The following HEPH variants were observed in gnomAD, a reference collection of about 807,000 sequenced individuals.
The protein encoded by HEPH is hephaestin.
HEPH carries 69 observed loss-of-function variants against 80.8 expected under a neutral mutation model. The ratio of observed to expected loss-of-function variants is 0.85; its 90% CI spans 0.70 to 1.04. The LOEUF (loss-of-function observed/expected upper bound fraction) is 1.04, where lower values mean the gene tolerates loss of function less well. Ranked by LOEUF, HEPH falls within the 50% of genes least tolerant of loss-of-function variation. HEPH has a pLI of 0.00. For synonymous variants in HEPH, 431 were observed against 322.8 expected, an observed-to-expected ratio of 1.34 and a Z score of -3.60; for missense variants, 1,115 against 891.3, an observed-to-expected ratio of 1.25 and a Z score of -3.20.
chrX:66,250,890 CATTG>C (rs1411979133), intron 15 of HEPH, among the ~76,000 whole-genome samples: 2 of 111,449 alleles, frequency 1.8e-5, no homozygotes, highest in Non-Finnish European at 3.8e-5. Context: ...TGTATAGAGG[CATTG>C]ATTGATTGAG....
At chrX:66,251,797 G>T (rs185783861) in intron 15 of HEPH, among the ~76,000 whole-genome samples, 91 of 111,837 alleles carry the variant, frequency 8.1e-4, no homozygotes, top group Non-Finnish European at 1.2e-3. Flanking sequence ...GTAGCATACT[G>T]AGAATGATGA....
intron 17 of HEPH, among the ~76,000 whole-genome samples, chrX:66,258,506 T>C (rs2091253302): frequency 8.9e-6 from 1 of 111,772 alleles, no homozygotes; most frequent in Non-Finnish European, 1.9e-5. Flanking sequence ...GAGATGAGTC[T>C]AGGAAGGTGG....
intron 13 of HEPH, among the ~76,000 whole-genome samples, chrX:66,206,012 T>A (rs1162298526): frequency 9.0e-6 from 1 of 111,001 alleles, no homozygotes; most frequent in Non-Finnish European, 1.9e-5. Flanking sequence ...TGCAATTGAT[T>A]GCACCTCTGG....
intron 9 of HEPH, among the ~76,000 whole-genome samples, chrX:66,196,343 T>C (rs944818023): frequency 5.4e-5 from 6 of 111,675 alleles, no homozygotes; most frequent in African/African-American, 1.3e-4. Context: ...ATGTTAGCAA[T>C]AGACTCTAGG....
chrX:66,257,266 C>A (rs1455161667), intron 17 of HEPH, among the ~76,000 whole-genome samples: 1 of 111,333 alleles, frequency 9.0e-6, no homozygotes, highest in Non-Finnish European at 1.9e-5. Context: ...CCTGTTAATG[C>A]AGGGGTTTGG....
At chrX:66,213,471 A>T (rs1441721729) in intron 15 of HEPH, among the ~76,000 whole-genome samples, 1 of 111,958 alleles carries the variant, frequency 8.9e-6, no homozygotes, top group Non-Finnish European at 1.9e-5. Context: ...AATACTATGC[A>T]GCCATAAAAA....
intron 4 of HEPH, among the ~76,000 whole-genome samples, chrX:66,180,661 T>C (rs2087077816): frequency 1.1e-5 from 1 of 88,634 alleles, no homozygotes. Context: ...TTTTTTTTTT[T>C]CAGTCATTAT....
chrX:66,249,804 G>T (rs708968), intron 15 of HEPH, among the ~76,000 whole-genome samples: 30,380 of 110,657 alleles, frequency 0.27, 3,975 homozygotes, highest in African/African-American at 0.51. Flanking sequence ...CCAACAATTT[G>T]CATTTCTACA....
At chrX:66,193,432 A>C in intron 7 of HEPH, 70 bp from the exon 8 acceptor site, 1 of 721,483 alleles carries the variant, frequency 1.4e-6, no homozygotes, top group Non-Finnish European at 2.0e-6. Flanking sequence ...ACTTGGTGAG[A>C]CTAAGGGTGA....
intron 15 of HEPH, among the ~76,000 whole-genome samples, chrX:66,211,113 T>C (rs1000210751): frequency 3.6e-5 from 4 of 111,358 alleles, no homozygotes; most frequent in African/African-American, 1.3e-4. Flanking sequence ...GTTGAAATCA[T>C]GATATGCATG....
intron 15 of HEPH, among the ~76,000 whole-genome samples, chrX:66,225,117 G>T (rs762713396): frequency 3.6e-5 from 4 of 111,373 alleles, no homozygotes; most frequent in African/African-American, 1.3e-4. Flanking sequence ...TGAAACAAGG[G>T]ACCTGTCCAG....
At chrX:66,233,312 C>A (rs1438063541) in intron 15 of HEPH, among the ~76,000 whole-genome samples, 1 of 111,454 alleles carries the variant, frequency 9.0e-6, no homozygotes, top group East Asian at 2.8e-4. Flanking sequence ...TCCATCACTG[C>A]CTTACCAAAC....
chrX:66,242,704 C>G (rs1258685483), intron 15 of HEPH, among the ~76,000 whole-genome samples: 1 of 111,846 alleles, frequency 8.9e-6, no homozygotes, highest in African/African-American at 3.2e-5. Context: ...AAGACACGAA[C>G]AGATACTTCT....
At chrX:66,260,775 T>C (rs943109252) in intron 19 of HEPH, among the ~76,000 whole-genome samples, 2 of 110,675 alleles carry the variant, frequency 1.8e-5, no homozygotes, top group African/African-American at 6.6e-5. Flanking sequence ...TTTTCTTTTT[T>C]TTTTTCTTAG....
intron 13 of HEPH, among the ~76,000 whole-genome samples, chrX:66,205,403 A>G (rs1003333144): frequency 9.0e-6 from 1 of 111,505 alleles, no homozygotes; most frequent in South Asian, 3.7e-4. Context: ...AGGTACATCC[A>G]TGTTGCTGAA....
intron 15 of HEPH, among the ~76,000 whole-genome samples, chrX:66,228,090 A>G (rs2089968178): frequency 8.9e-6 from 1 of 111,899 alleles, no homozygotes; most frequent in Non-Finnish European, 1.9e-5. Context: ...TCACAGTTCC[A>G]TGCAGCTGGG....
At chrX:66,254,974 C>A (rs1444883320) in intron 15 of HEPH, 61 bp from the exon 16 acceptor site, 5 of 728,826 alleles carry the variant, frequency 6.9e-6, no homozygotes, top group Non-Finnish European at 1.0e-5. Flanking sequence ...CTTGGGGAGA[C>A]CTGGGAGTTG....
chrX:66,202,208 A>G (rs189548483), intron 12 of HEPH, among the ~76,000 whole-genome samples: 73 of 111,622 alleles, frequency 6.5e-4, no homozygotes, highest in African/African-American at 2.4e-3. Flanking sequence ...AAAGAGGATA[A>G]CAAAATGAAT....
chrX:66,200,406 G>C (rs2088369906), intron 11 of HEPH, 134 bp from the exon 12 acceptor site: 1 of 481,010 alleles, frequency 2.1e-6, no homozygotes, highest in East Asian at 3.7e-5. Context: ...AGAGAGGAAG[G>C]CAGAGGTGTT....
Sources: gnomAD v4.1 joint callset for allele counts (sites outside exome capture counted in the v4.1 genomes callset) on GRCh38, gnomAD v4.1.1 for gene constraint, MANE v1.5 for transcripts, NCBI Gene and HGNC (gene_info 2026-07-23, HGNC 2026-07-21) for gene names.